Variants in EPHA3 observed in about 807,000 individuals in gnomAD.
EPHA3 encodes the protein EPH receptor A3, also known as ephrin type-A receptor 3.
EPHA3 carries 42 observed loss-of-function variants against 107.1 expected under a neutral mutation model. The ratio of observed to expected loss-of-function variants is 0.39; its 90% confidence interval spans 0.31 to 0.51. The LOEUF is 0.51. Among genes scored for constraint, EPHA3 ranks in the 20% least tolerant of loss-of-function variants. The pLI is 0.78. For synonymous variants in EPHA3, 461 were observed against 424.8 expected, an observed-to-expected ratio of 1.09 and a Z score of -1.05; for missense variants, 1,183 against 1,211.2, an observed-to-expected ratio of 0.98 and a Z score of 0.35.
chr3:89,409,205 C>G lies in EPHA3; in HGVS notation c.1762+1074C>G, dbSNP rs562648389. ...CACAAAAAAGCCAAAGTACTACATT[C>G]CTAAAATCAACATCACATCAGTCCA... is the stretch of plus-strand genomic sequence containing the variant. On this transcript the variant is annotated intron_variant, in intron 9 of 16. Transcript: ENST00000336596. 2.6e-5 allele frequency among the ~76,000 whole-genome samples: 4 copies of G among 152,138 alleles called. No individual in the cohort carries two copies. The South Asian group carries it at 8.3e-4, about 32-fold the overall frequency.
At chr3:89,449,132 CTA>C in intron 13 of EPHA3, 91 bp from the exon 14 acceptor site, 1 of 1,226,626 alleles carries the variant, frequency 8.2e-7, no homozygotes, top group Non-Finnish European at 1.1e-6. Context: ...AACAGAAATA[CTA>C]TGAGAAATTC....
At chr3:89,410,289 T>C (rs1709133790) in intron 9 of EPHA3, among the ~76,000 whole-genome samples, 2 of 151,690 alleles carry the variant, frequency 1.3e-5, no homozygotes, top group Non-Finnish European at 2.9e-5. Flanking sequence ...TATTTAGTAA[T>C]AGTAGTATTG....
intron 6 of EPHA3, among the ~76,000 whole-genome samples, chr3:89,398,820 A>G (rs1280066998): frequency 6.6e-6 from 1 of 152,106 alleles, no homozygotes; most frequent in Non-Finnish European, 1.5e-5. Flanking sequence ...TTCTGTAAAT[A>G]TTTTTATTTT....
chr3:89,428,359 T>A (rs1482881754), intron 11 of EPHA3, among the ~76,000 whole-genome samples: 1 of 152,052 alleles, frequency 6.6e-6, no homozygotes, highest in African/African-American at 2.4e-5. Context: ...ATAAATTAAT[T>A]ACACCAGCAT....
intron 3 of EPHA3, among the ~76,000 whole-genome samples, chr3:89,288,148 C>T (rs1189254965): frequency 1.3e-5 from 2 of 151,780 alleles, no homozygotes; most frequent in Non-Finnish European, 2.9e-5. Flanking sequence ...TTAAAAAAAA[C>T]ACCTGGTGAA....
At chr3:89,223,075 C>T (rs1704417963) in intron 3 of EPHA3, among the ~76,000 whole-genome samples, 1 of 152,164 alleles carries the variant, frequency 6.6e-6, no homozygotes, top group Non-Finnish European at 1.5e-5. Flanking sequence ...TCTTTAAAAA[C>T]ACTGATAGTC....
intron 5 of EPHA3, among the ~76,000 whole-genome samples, chr3:89,349,441 C>T (rs1379786250): frequency 7.1e-6 from 1 of 141,558 alleles, no homozygotes; most frequent in African/African-American, 2.7e-5. Context: ...ATTGCAACCC[C>T]TGCCTTTTTT....
chr3:89,270,375 G>A (rs556585964), intron 3 of EPHA3, among the ~76,000 whole-genome samples: 31 of 151,992 alleles, frequency 2.0e-4, no homozygotes, highest in African/African-American at 7.0e-4. Flanking sequence ...GGACTTCCAC[G>A]CACTGTCTAC....
chr3:89,116,711 T>C (rs1320201621), intron 1 of EPHA3, among the ~76,000 whole-genome samples: 3 of 109,892 alleles, frequency 2.7e-5, no homozygotes, highest in Non-Finnish European at 5.5e-5. Flanking sequence ...CTGTCTTCAC[T>C]GTAACATTAA....
intron 2 of EPHA3, among the ~76,000 whole-genome samples, chr3:89,130,520 A>G (rs1704183566): frequency 6.6e-6 from 1 of 151,988 alleles, no homozygotes; most frequent in African/African-American, 2.4e-5. Flanking sequence ...ATTCCTACAT[A>G]TAATTTCTTT....
chr3:89,285,156 GT>G (rs979004589), intron 3 of EPHA3, among the ~76,000 whole-genome samples: 1 of 151,860 alleles, frequency 6.6e-6, no homozygotes, highest in Non-Finnish European at 1.5e-5. Context: ...ATAAAAATAT[GT>G]CACATCACTC....
chr3:89,429,597 A>G (rs1365189473), intron 12 of EPHA3, among the ~76,000 whole-genome samples: 1 of 152,132 alleles, frequency 6.6e-6, no homozygotes, highest in Non-Finnish European at 1.5e-5. Context: ...CATGTGCTAT[A>G]ATGCTAAAGT....
Position 89,352,097 on chromosome 3 carries a change from A to G in EPHA3, c.1306+10007A>G, listed in dbSNP as rs1707837549. 2.0e-5 allele frequency among the ~76,000 whole-genome samples: 3 copies of G among 151,252 alleles called. 1 individual carries two copies. The highest frequency in any genetic ancestry group is 3.0e-5 in the Non-Finnish European group (2 of 67,614). Reference sequence around the variant, plus strand: ...ACTTCATTTTATGTAGATTTTCGATAGAAGGTGCACTAATTTATGTAAAGG... The same window carrying G: ...ACTTCATTTTATGTAGATTTTCGATGGAAGGTGCACTAATTTATGTAAAGG... On this transcript the variant is annotated intron_variant, in intron 5 of 16. Transcript: ENST00000336596.
In EPHA3 at chr3:89,180,260, A is replaced by C. The variant is rs116771513; in HGVS notation, c.154-29600A>C. ...GATATCTTAAATAGACCAGGCTTGAATGTGGAAATATTTAGGCATTGTCCT... is the reference window on the plus strand; with the variant it reads ...GATATCTTAAATAGACCAGGCTTGACTGTGGAAATATTTAGGCATTGTCCT... On this transcript the variant is annotated intron_variant, in intron 2 of 16. Transcript: ENST00000336596. Among the ~76,000 whole-genome samples the C allele has an allele frequency of 5.8e-3, 876 of 152,056 alleles. 8 individuals carry two copies. Among genetic ancestry groups the C allele is most frequent in the African/African-American group, 0.02 (818 of 41,504 alleles).
chr3:89,416,208 A>G (rs976578800), intron 10 of EPHA3, among the ~76,000 whole-genome samples: 3 of 151,414 alleles, frequency 2.0e-5, no homozygotes, highest in Non-Finnish European at 4.4e-5. Context: ...CATTTTAATC[A>G]GAATACAGTC....
intron 2 of EPHA3, among the ~76,000 whole-genome samples, chr3:89,149,314 C>T (rs1294277051): frequency 6.6e-6 from 1 of 151,944 alleles, no homozygotes. Context: ...GATGGAACAA[C>T]CACTATTTTA....
intron 3 of EPHA3, among the ~76,000 whole-genome samples, chr3:89,333,455 C>G (rs753316348): frequency 3.9e-5 from 6 of 152,142 alleles, no homozygotes; most frequent in Non-Finnish European, 8.8e-5. Context: ...TTCACTGTGG[C>G]CCATTCTGGG....
At chr3:89,311,677 T>C (rs181094335) in intron 3 of EPHA3, among the ~76,000 whole-genome samples, 58 of 152,178 alleles carry the variant, frequency 3.8e-4, no homozygotes, top group African/African-American at 1.4e-3. Flanking sequence ...TCATGTTTAT[T>C]ATTCTGGCTT....
At chr3:89,365,196 T>C (rs781053164) in intron 5 of EPHA3, among the ~76,000 whole-genome samples, 5 of 150,384 alleles carry the variant, frequency 3.3e-5, no homozygotes, top group Admixed American at 6.7e-5. Flanking sequence ...CAATAAAAGG[T>C]AAAGAAGGGT....
Sources: allele counts gnomAD v4.1 joint callset (sites outside exome capture counted in the v4.1 genomes callset), GRCh38; gene constraint gnomAD v4.1.1; transcripts MANE v1.5; gene names NCBI Gene and HGNC (gene_info 2026-07-23, HGNC 2026-07-21).